Variants in CNNM1 observed in about 807,000 individuals in gnomAD.
The protein encoded by CNNM1 is metal transporter CNNM1.
Under a neutral mutation model 78.8 loss-of-function variants are expected in CNNM1, and 44 were observed. That is an observed-to-expected ratio of 0.56 (90% confidence interval 0.44 to 0.72). The LOEUF (loss-of-function observed/expected upper bound fraction) is 0.72. Ranked by LOEUF, CNNM1 falls within the 30% of genes least tolerant of loss-of-function variation. CNNM1 has a pLI of 0.00. For missense variants in CNNM1, 1,101 were observed against 1,292.2 expected (o/e 0.85, Z 2.27); for synonymous variants, 584 against 581.5 (o/e 1.00, Z -0.06).
At position 99,330,825 on chromosome 10, in the gene CNNM1, T is replaced by A; in HGVS notation, c.1438T>A (p.Phe480Ile). ...GCGGCACAACATTGTGGACATTTTATTTGTCAAGGACTTGGCCTTCGTGGA... is the reference window on the plus strand; with the variant it reads ...GCGGCACAACATTGTGGACATTTTAATTGTCAAGGACTTGGCCTTCGTGGA... ...DQRHNIVDIL[F>I]VKDLAFVDPD... The change falls in exon 1 of 11, where the codon TTT becomes ATT. Residue 480 changes from phenylalanine to isoleucine, a missense_variant. Phe to Ile is a conservative substitution (Grantham distance 21, BLOSUM62 0). Transcript: ENST00000356713. 1 of 1,614,180 alleles carries A rather than the reference T, an allele frequency of 6.2e-7. No homozygotes were observed. Among genetic ancestry groups the A allele is most frequent in the South Asian group, 1.1e-5 (1 of 91,080 alleles).
chr10:99,349,231 A>G (rs892346628), intron 1 of CNNM1, among the ~76,000 whole-genome samples: 5 of 152,208 alleles, frequency 3.3e-5, no homozygotes, highest in South Asian at 2.1e-4. Flanking sequence ...GCAAGTGCCC[A>G]TTAGAATCAC....
intron 6 of CNNM1, chr10:99,368,291 C>T (rs1030928562): frequency 7.9e-6 from 2 of 252,530 alleles, no homozygotes; most frequent in African/African-American, 4.5e-5. Flanking sequence ...TGTTTGCTGG[C>T]TCAAAATGGG....
At chr10:99,339,925 A>G (rs1452841886) in intron 1 of CNNM1, among the ~76,000 whole-genome samples, 1 of 152,256 alleles carries the variant, frequency 6.6e-6, no homozygotes, top group African/African-American at 2.4e-5. Flanking sequence ...TTTGTCTTCC[A>G]TAAAAGAAAA....
intron 7 of CNNM1, among the ~76,000 whole-genome samples, chr10:99,387,119 G>T (rs559284720): frequency 6.6e-6 from 1 of 152,298 alleles, no homozygotes; most frequent in Non-Finnish European, 1.5e-5. Context: ...ACACCCTCCT[G>T]CCTTTTAGAA....
At chr10:99,356,941 C>T (rs1029954649) in intron 1 of CNNM1, among the ~76,000 whole-genome samples, 4 of 152,200 alleles carry the variant, frequency 2.6e-5, no homozygotes, top group Non-Finnish European at 5.9e-5. Flanking sequence ...TTCCCATTCT[C>T]TTTTGGTTGA....
chr10:99,357,238 G>A (rs1304423931), intron 1 of CNNM1, among the ~76,000 whole-genome samples: 1 of 152,056 alleles, frequency 6.6e-6, no homozygotes, highest in Non-Finnish European at 1.5e-5. Flanking sequence ...ACATATACTT[G>A]CTAATATGTA....
intron 1 of CNNM1, among the ~76,000 whole-genome samples, chr10:99,356,613 G>GA (rs1250488394): frequency 8.2e-4 from 115 of 139,880 alleles, no homozygotes; most frequent in Middle Eastern, 3.5e-3. Flanking sequence ...AGAAAAGAAA[G>GA]AAAGAAAGAA....
At position 99,388,611 on chromosome 10, in the gene CNNM1, C is replaced by CA. The variant is rs1158782844; in HGVS notation, c.2674+311dup. Among the ~76,000 whole-genome samples the CA allele has an allele frequency of 2.0e-5, 3 of 152,170 alleles. No homozygotes were observed. The East Asian group carries it at 5.8e-4, about 29-fold the overall frequency. On this transcript the variant is annotated intron_variant, in intron 9 of 10. Transcript: ENST00000356713. ...TAGGCAAGTTATTGAACCTAAGACT[C>CA]AGTTTTTTTTATCTGAATGGATAAG...
chr10:99,375,389 G>A (rs1443325808), intron 6 of CNNM1, among the ~76,000 whole-genome samples: 2 of 152,148 alleles, frequency 1.3e-5, no homozygotes, highest in Non-Finnish European at 2.9e-5. Flanking sequence ...TATGTCAGAT[G>A]GATCGCAAGG....
Position 99,393,912 on chromosome 10 carries a change from C to T in CNNM1, c.*2396C>T, listed in dbSNP as rs965067773. 3 of 152,258 alleles carry T rather than the reference C, an allele frequency of 2.0e-5. No homozygotes were observed. The highest frequency in any genetic ancestry group is 1.9e-4 in the East Asian group (1 of 5,200). The allele number at this position is 152,258 out of a possible 1,614,324, so 9.4% of individuals were successfully genotyped here. On this transcript the variant is annotated 3_prime_UTR_variant, in exon 11 of 11. Coordinates refer to ENST00000356713, the MANE Select transcript of CNNM1 (RefSeq NM_020348.3). ...TGAGGCTCAGCAGTGCATGACTTCT[C>T]GTAGATAACTTCACAGTCATCCAGT...
At position 99,330,143 on chromosome 10, in the gene CNNM1, G is replaced by A; in HGVS notation, c.756G>A (p.Val252=). Residue 252 remains valine (V), a synonymous_variant, in exon 1 of 11, where the codon GTG becomes GTA. Coordinates refer to ENST00000356713, the MANE Select transcript of CNNM1 (RefSeq NM_020348.3). ...TGAGCCTGCTGTCGCTGGACCCGGT[G>A]GAGTTACGGGTGCTGCGGAACAGCG... ...LRLSLLSLDP[V]ELRVLRNSGS... is the part of the protein sequence containing the mutation. The A allele has an allele frequency of 6.5e-7, 1 of 1,545,412 alleles. No individual in the cohort carries two copies. The highest frequency in any genetic ancestry group is 8.7e-7 in the Non-Finnish European group (1 of 1,152,144).
intron 1 of CNNM1, among the ~76,000 whole-genome samples, chr10:99,334,605 C>T (rs1332298669): frequency 7.9e-5 from 12 of 152,014 alleles, no homozygotes; most frequent in South Asian, 2.1e-4. Flanking sequence ...GAGCTGAGAT[C>T]GCACCACTGT....
In CNNM1 at chr10:99,330,901, C is replaced by T. The variant is rs755844918; in HGVS notation, c.1514C>T (p.Pro505Leu). The T allele has an allele frequency of 6.2e-7, 1 of 1,614,080 alleles. No homozygotes were observed. The highest frequency in any genetic ancestry group is 8.5e-7 in the Non-Finnish European group (1 of 1,180,008). The stretch of plus-strand genomic sequence containing the variant: ...ACTGTCACCCGCTTCTACAACCGGC[C>T]CCTGCATTGTGTTTTCAATGACACC... ...LLTVTRFYNR[P>L]LHCVFNDTRL... is the part of the protein sequence containing the mutation. Residue 505 changes from proline (P) to leucine (L), a missense_variant, in exon 1 of 11, where the codon CCC becomes CTC. Transcript: ENST00000356713.
intron 1 of CNNM1, among the ~76,000 whole-genome samples, chr10:99,348,065 GACA>G (rs1038111884): frequency 3.4e-4 from 49 of 142,388 alleles, no homozygotes; most frequent in African/African-American, 1.2e-3. Context: ...TTTTTTTTGA[GACA>G]ACATCTCACT....
intron 6 of CNNM1, among the ~76,000 whole-genome samples, chr10:99,371,806 G>A (rs948803641): frequency 6.6e-6 from 1 of 152,160 alleles, no homozygotes; most frequent in East Asian, 1.9e-4. Flanking sequence ...CCAGTATAAT[G>A]AATTTTAATA....
chr10:99,351,718 C>T (rs11190063), intron 1 of CNNM1, among the ~76,000 whole-genome samples: 2,318 of 152,216 alleles, frequency 0.015, 61 homozygotes, highest in African/African-American at 0.053. Context: ...TCTTGTCTCC[C>T]AGTGGCCTCA....
intron 6 of CNNM1, among the ~76,000 whole-genome samples, chr10:99,365,651 A>C (rs918641651): frequency 6.6e-6 from 1 of 152,184 alleles, no homozygotes; most frequent in Non-Finnish European, 1.5e-5. Context: ...CTTAAAGGGC[A>C]TGGCATTTTT....
rs536184763 is a variant in CNNM1 at position 99,332,207 on chromosome 10, A to G, written c.1573+1247A>G. ...AACCCTGAAAGCAACACCAGACATC[A>G]TAATTTGAAAACAGGGACATAATTA... On this transcript the variant is annotated intron_variant, in intron 1 of 10. Coordinates refer to ENST00000356713, the MANE Select transcript of CNNM1 (RefSeq NM_020348.3). 2.6e-5 allele frequency among the ~76,000 whole-genome samples: 4 copies of G among 152,346 alleles called. No homozygotes were observed. The East Asian group carries it at 7.7e-4, about 29-fold the overall frequency.
rs1850541122 is a variant in CNNM1, at chr10:99,329,399, C to A, written c.12C>A (p.Ala4=). ...GCGCTGGGTGCAGGATGGCGGCGGC[C>A]GCGGCGGCGGCAGCAGCGGTGGGTG... MAA[A]AAAAAAVGVR... Residue 4 remains alanine, a synonymous_variant, in exon 1 of 11, where the codon GCC becomes GCA. Coordinates refer to ENST00000356713, the MANE Select transcript of CNNM1 (RefSeq NM_020348.3). The A allele has an allele frequency of 1.3e-6, 1 of 798,508 alleles. No homozygotes were observed. Among genetic ancestry groups the A allele is most frequent in the Non-Finnish European group, 1.9e-6 (1 of 532,208 alleles). 49.5% of individuals were successfully genotyped at this position (798,508 alleles called of 1,614,324 possible). A position where few individuals can be genotyped will look rare whatever the true frequency, so the allele number is the denominator to read the frequency against.
Sources: gnomAD v4.1 joint callset for allele counts (sites outside exome capture counted in the v4.1 genomes callset) on GRCh38, gnomAD v4.1.1 for gene constraint, MANE v1.5 for transcripts, NCBI Gene and HGNC (gene_info 2026-07-23, HGNC 2026-07-21) for gene names.